Variants in KATNIP observed in about 807,000 individuals in gnomAD.
KATNIP encodes katanin interacting protein, also known as katanin-interacting protein.
A neutral mutation model predicts 174.0 loss-of-function variants in KATNIP; 126 were observed. That is an observed-to-expected ratio of 0.72 (90% CI 0.63 to 0.84). The LOEUF is 0.84. Among genes scored for constraint, KATNIP ranks in the 40% least tolerant of loss-of-function variants. KATNIP has a pLI of 0.00. For synonymous variants in KATNIP, 810 were observed against 835.7 expected, an observed-to-expected ratio of 0.97 and a Z score of 0.53; for missense variants, 1,958 against 2,109.7, an observed-to-expected ratio of 0.93 and a Z score of 1.41.
At chr16:27,597,110 T>C (rs1272706466) in intron 2 of KATNIP, among the ~76,000 whole-genome samples, 1 of 152,300 alleles carries the variant, frequency 6.6e-6, no homozygotes, top group East Asian at 1.9e-4. Context: ...GGAGGATTGC[T>C]TGAACCTAAT....
chr16:27,607,640 C>G (rs1394448492), intron 2 of KATNIP, among the ~76,000 whole-genome samples: 1 of 146,378 alleles, frequency 6.8e-6, no homozygotes, highest in Non-Finnish European at 1.5e-5. Context: ...CTCTGTCACC[C>G]AGGCTGGAGT....
rs536955004 is a variant in KATNIP, at chr16:27,646,500, G to A, written c.409-2104G>A. Among the ~76,000 whole-genome samples, 5 of 152,350 alleles carry A rather than the reference G, an allele frequency of 3.3e-5. No homozygotes were observed. In the East Asian group the frequency reaches 9.6e-4, roughly 29 times the overall value. On this transcript the variant is annotated intron_variant, in intron 5 of 27. Transcript: ENST00000261588. Reference sequence around the variant, plus strand: ...CCATGGGGCCACATGTGGACTGAGAGTTGGGAGGAAATTGGGCCCCAGAGG... The same window carrying A: ...CCATGGGGCCACATGTGGACTGAGAATTGGGAGGAAATTGGGCCCCAGAGG...
At chr16:27,640,950 A>G (rs1055353592) in intron 5 of KATNIP, among the ~76,000 whole-genome samples, 1 of 152,130 alleles carries the variant, frequency 6.6e-6, no homozygotes, top group Non-Finnish European at 1.5e-5. Context: ...AGCCTGGCTA[A>G]CGTGCTGAAA....
chr16:27,680,859 T>C (rs2078309834), intron 7 of KATNIP, among the ~76,000 whole-genome samples: 1 of 152,188 alleles, frequency 6.6e-6, no homozygotes, highest in South Asian at 2.1e-4. Flanking sequence ...CGTACACAGC[T>C]AATTTTTGTA....
intron 2 of KATNIP, among the ~76,000 whole-genome samples, chr16:27,610,532 A>T (rs1213558109): frequency 6.6e-6 from 1 of 152,122 alleles, no homozygotes; most frequent in Admixed American, 6.5e-5. Flanking sequence ...TGTGCATGCA[A>T]TTAAATGGGT....
At chr16:27,751,973 T>C (rs1349130566) in intron 17 of KATNIP, 49 bp downstream of exon 17, 6 of 1,475,896 alleles carry the variant, frequency 4.1e-6, no homozygotes, top group Non-Finnish European at 5.5e-6. Flanking sequence ...ATAGGTTTCT[T>C]CCCCTAACTC....
At chr16:27,657,196 G>A (rs2077325200) in intron 6 of KATNIP, among the ~76,000 whole-genome samples, 1 of 152,040 alleles carries the variant, frequency 6.6e-6, no homozygotes, top group African/African-American at 2.4e-5. Context: ...TGCATAAATG[G>A]GTCAGGATCA....
At chr16:27,696,191 G>T (rs992831236) in intron 8 of KATNIP, among the ~76,000 whole-genome samples, 1 of 152,020 alleles carries the variant, frequency 6.6e-6, no homozygotes, top group African/African-American at 2.4e-5. Flanking sequence ...TGTAATTCTT[G>T]TTACCCGTGC....
At chr16:27,656,863 A>C (rs2077309019) in intron 6 of KATNIP, among the ~76,000 whole-genome samples, 1 of 150,816 alleles carries the variant, frequency 6.6e-6, no homozygotes, top group South Asian at 2.1e-4. Flanking sequence ...GGTGCAGCGC[A>C]CCAGCATGGC....
chr16:27,686,175 A>G (rs1031901070), intron 8 of KATNIP, among the ~76,000 whole-genome samples: 1 of 152,224 alleles, frequency 6.6e-6, no homozygotes, highest in African/African-American at 2.4e-5. Context: ...CTAAAAGTGC[A>G]GCAGAATCAC....
rs749269984 is a variant in KATNIP at position 27,681,485 on chromosome 16, C to A, written c.895C>A (p.Pro299Thr). Residue 299 changes from proline (P) to threonine (T), a missense_variant, in exon 8 of 28, where the codon CCC becomes ACC. Pro to Thr is a conservative substitution (Grantham distance 38). Transcript: ENST00000261588. Reference protein sequence around the residue: ...VPTKPEPNLTPQAPAVFPDQE... With the variant: ...VPTKPEPNLTTQAPAVFPDQE... ...CACCAAACCTGAGCCAAACCTGACT[C>A]CCCAAGCTCCTGCTGTATTCCCAGA... The A allele has an allele frequency of 1.9e-6, 3 of 1,614,082 alleles. No homozygotes were observed. Among genetic ancestry groups the A allele is most frequent in the African/African-American group, 2.7e-5 (2 of 74,940 alleles).
At chr16:27,658,370 A>G (rs2077365130) in intron 6 of KATNIP, among the ~76,000 whole-genome samples, 2 of 152,206 alleles carry the variant, frequency 1.3e-5, no homozygotes, top group Non-Finnish European at 2.9e-5. Flanking sequence ...ATTTTTAGCA[A>G]AAGAACTCCC....
intron 1 of KATNIP, among the ~76,000 whole-genome samples, chr16:27,550,449 G>A (rs912553443): frequency 2.0e-5 from 3 of 152,152 alleles, no homozygotes; most frequent in African/African-American, 7.2e-5. Context: ...GGGTGGGGAA[G>A]GAGAAGTAGA....
At chr16:27,756,658 G>A (rs929362172) in intron 18 of KATNIP, among the ~76,000 whole-genome samples, 3 of 152,144 alleles carry the variant, frequency 2.0e-5, no homozygotes, top group Non-Finnish European at 2.9e-5. Flanking sequence ...GACAGCCATC[G>A]TTTTTTATTC....
intron 4 of KATNIP, among the ~76,000 whole-genome samples, chr16:27,629,598 C>G (rs1420306917): frequency 6.6e-6 from 1 of 152,184 alleles, no homozygotes; most frequent in Non-Finnish European, 1.5e-5. Context: ...AATTCCCAAC[C>G]CAGCCTAGCA....
chr16:27,766,496 G>A (rs377104965), intron 20 of KATNIP, 22 bp downstream of exon 20: 46 of 1,604,356 alleles, frequency 2.9e-5, no homozygotes, highest in Non-Finnish European at 3.5e-5. Context: ...AGCAGTGGCC[G>A]TGCTCAGTCC....
At chr16:27,706,578 G>T (rs2079314219) in intron 12 of KATNIP, among the ~76,000 whole-genome samples, 3 of 152,220 alleles carry the variant, frequency 2.0e-5, no homozygotes, top group Non-Finnish European at 2.9e-5. Context: ...CCCAAATTGG[G>T]CAGTGCAGAA....
chr16:27,625,102 G>A (rs1027063552), intron 3 of KATNIP, among the ~76,000 whole-genome samples: 1 of 152,168 alleles, frequency 6.6e-6, no homozygotes, highest in Non-Finnish European at 1.5e-5. Flanking sequence ...AGCTTTTTAT[G>A]CAAAGTAGGC....
intron 2 of KATNIP, among the ~76,000 whole-genome samples, chr16:27,577,790 T>C (rs376678290): frequency 1.5e-4 from 23 of 152,250 alleles, no homozygotes; most frequent in African/African-American, 3.6e-4. Context: ...GGAGTATCGC[T>C]TGAGCCCAGG....
Sources: allele counts gnomAD v4.1 joint callset (sites outside exome capture counted in the v4.1 genomes callset), GRCh38; gene constraint gnomAD v4.1.1; transcripts MANE v1.5; gene names NCBI Gene and HGNC (gene_info 2026-07-23, HGNC 2026-07-21).